SNAP91: variants seen among roughly 807,000 people sequenced by gnomAD.
The protein encoded by SNAP91 is clathrin coat assembly protein AP180.
In SNAP91, 27 loss-of-function variants were observed where a neutral mutation model predicts 100.3. The observed-to-expected ratio is 0.27, with a 90% CI of 0.20 to 0.37. The LOEUF (loss-of-function observed/expected upper bound fraction) is 0.37. SNAP91 is among the 10% of genes least tolerant of loss of function. The probability of loss-of-function intolerance (pLI) is 1.00; values close to 1 mark genes in which losing one functional copy is unlikely to be tolerated. For synonymous variants in SNAP91, 404 were observed against 398.6 expected, an observed-to-expected ratio of 1.01 and a Z score of -0.16; for missense variants, 986 against 1,123.7, an observed-to-expected ratio of 0.88 and a Z score of 1.75.
At chr6:83,605,406 T>TA (rs1455274650) in intron 14 of SNAP91, among the ~76,000 whole-genome samples, 1 of 151,956 alleles carries the variant, frequency 6.6e-6, no homozygotes, top group Admixed American at 6.6e-5. Context: ...AGAGTAGTAA[T>TA]AAAAAAGAAC....
intron 2 of SNAP91, among the ~76,000 whole-genome samples, chr6:83,693,238 C>A (rs2099154375): frequency 1.3e-5 from 2 of 152,162 alleles, no homozygotes; most frequent in African/African-American, 4.8e-5. Context: ...CCTCCTTGGG[C>A]ATTGTTTTCC....
At chr6:83,589,395 G>T (rs1179946473) in intron 22 of SNAP91, among the ~76,000 whole-genome samples, 1 of 152,122 alleles carries the variant, frequency 6.6e-6, no homozygotes, top group Admixed American at 6.5e-5. Flanking sequence ...ATTTCCTTAT[G>T]TTTTGATACT....
At chr6:83,644,808 T>C (rs931943501) in intron 7 of SNAP91, among the ~76,000 whole-genome samples, 1 of 152,214 alleles carries the variant, frequency 6.6e-6, no homozygotes, top group Non-Finnish European at 1.5e-5. Flanking sequence ...GTGTAAAGTA[T>C]TGGTCACGAA....
intron 11 of SNAP91, chr6:83,611,302 C>A: frequency 6.4e-6 from 2 of 313,616 alleles, no homozygotes; most frequent in Admixed American, 4.5e-5. Context: ...AAAAAAACAG[C>A]AACTTCGATG....
At chr6:83,610,855 A>T (rs1583629721) in intron 11 of SNAP91, among the ~76,000 whole-genome samples, 178 bp from the exon 12 acceptor site, 2 of 150,460 alleles carry the variant, frequency 1.3e-5, no homozygotes, top group South Asian at 4.2e-4. Context: ...GGCTATTTTT[A>T]AAAAACTTTT....
At chr6:83,591,125 C>A in intron 22 of SNAP91, 86 bp downstream of exon 22, 1 of 892,122 alleles carries the variant, frequency 1.1e-6, no homozygotes, top group South Asian at 1.5e-5. Context: ...AACATGCACC[C>A]TGCAATTTAT....
intron 11 of SNAP91, 78 bp from the exon 12 acceptor site, chr6:83,610,755 A>ATATATATATG (rs1429142637): frequency 4.4e-6 from 1 of 227,264 alleles, no homozygotes; most frequent in Non-Finnish European, 8.4e-6. Context: ...ATAAATATAT[A>ATATATATATG]TGTGAATATA....
At chr6:83,666,856 T>C (rs1183640294) in intron 2 of SNAP91, among the ~76,000 whole-genome samples, 1 of 152,074 alleles carries the variant, frequency 6.6e-6, no homozygotes, top group Non-Finnish European at 1.5e-5. Flanking sequence ...TGCAGTCCCA[T>C]GTGGCCTTCC....
In SNAP91 at chr6:83,613,874, C is replaced by A. The variant is rs117793073; in HGVS notation, c.884+983G>T. Among the ~76,000 whole-genome samples, 771 of 152,246 alleles carry A rather than the reference C, an allele frequency of 5.1e-3. 5 individuals carry two copies. The highest frequency in any genetic ancestry group is 8.2e-3 in the Non-Finnish European group (558 of 68,018). ...AGACCAATACTTCTATTAATAATTT[C>A]ACCTAGAAAAATCTAGTAGATAATG... On this transcript the variant is annotated intron_variant, in intron 11 of 29. Transcript: ENST00000369694.
At position 83,617,776 on chromosome 6, in the gene SNAP91, A is replaced by T. The variant is rs115163771; in HGVS notation, c.808-737T>A. ...ACATTTCACTGTATACTTAAGGAGA[A>T]ATAATAGGTTCACGCAAATTTTTCA... is the stretch of plus-strand genomic sequence containing the variant. On this transcript the variant is annotated intron_variant, in intron 9 of 29. Coordinates refer to ENST00000369694, the MANE Select transcript of SNAP91 (RefSeq NM_001242792.2). Among the ~76,000 whole-genome samples the T allele has an allele frequency of 7.3e-3, 1,113 of 151,934 alleles. 19 individuals carry two copies. The highest frequency in any genetic ancestry group is 0.025 in the African/African-American group (1,038 of 41,534).
At chr6:83,584,082 T>C (rs1832332808) in intron 22 of SNAP91, among the ~76,000 whole-genome samples, 1 of 152,216 alleles carries the variant, frequency 6.6e-6, no homozygotes, top group African/African-American at 2.4e-5. Context: ...TAATTATTTT[T>C]GTGAATGTGA....
intron 14 of SNAP91, among the ~76,000 whole-genome samples, 174 bp downstream of exon 14, chr6:83,605,511 G>C (rs2095554224): frequency 6.6e-6 from 1 of 151,978 alleles, no homozygotes; most frequent in African/African-American, 2.4e-5. Context: ...CACTTTCTCT[G>C]TCTCTCTCTC....
At chr6:83,604,412 T>C (rs577121360) in intron 14 of SNAP91, among the ~76,000 whole-genome samples, 2 of 152,326 alleles carry the variant, frequency 1.3e-5, no homozygotes, top group East Asian at 1.9e-4. Flanking sequence ...TTTACATATT[T>C]AAAATGGAAA....
At chr6:83,641,397 T>C (rs2097695753) in intron 7 of SNAP91, among the ~76,000 whole-genome samples, 195 bp from the exon 8 acceptor site, 1 of 152,170 alleles carries the variant, frequency 6.6e-6, no homozygotes, top group South Asian at 2.1e-4. Context: ...TGTTCCAAGA[T>C]AATCATCTGT....
intron 2 of SNAP91, among the ~76,000 whole-genome samples, chr6:83,695,775 T>C (rs926791036): frequency 6.6e-6 from 1 of 152,100 alleles, no homozygotes; most frequent in African/African-American, 2.4e-5. Flanking sequence ...ATTAGTAAAA[T>C]CTACAATAGG....
At chr6:83,555,584 T>G (rs1167004923) in intron 29 of SNAP91, among the ~76,000 whole-genome samples, 2 of 152,244 alleles carry the variant, frequency 1.3e-5, no homozygotes, top group African/African-American at 4.8e-5. Context: ...ACATTTTTCC[T>G]TCATTCGTTT....
At chr6:83,678,272 C>T (rs765336118) in intron 2 of SNAP91, among the ~76,000 whole-genome samples, 8 of 152,078 alleles carry the variant, frequency 5.3e-5, no homozygotes, top group Non-Finnish European at 1.0e-4. Flanking sequence ...TTACCATCTC[C>T]CAACACCGAT....
chr6:83,704,901 T>G lies in SNAP91; in HGVS notation c.130+2897A>C, dbSNP rs191465063. Among the ~76,000 whole-genome samples the G allele has an allele frequency of 1.4e-4, 22 of 152,318 alleles. No homozygotes were observed. In the East Asian group the frequency reaches 4.2e-3, roughly 29 times the overall value. On this transcript the variant is annotated intron_variant, in intron 2 of 29. Coordinates refer to ENST00000369694, the MANE Select transcript of SNAP91 (RefSeq NM_001242792.2). ...CAACTACTTGAGAATCTTCAATGCC[T>G]ATAAAGAAACTTAATTATGTGTTTG...
intron 2 of SNAP91, among the ~76,000 whole-genome samples, chr6:83,707,399 CTT>C (rs879661598): frequency 2.1e-5 from 3 of 145,566 alleles, no homozygotes; most frequent in East Asian, 2.0e-4. Flanking sequence ...ATAAATTCAT[CTT>C]TTTTTTTTTT....
Sources: gnomAD v4.1 joint callset for allele counts (sites outside exome capture counted in the v4.1 genomes callset) on GRCh38, gnomAD v4.1.1 for gene constraint, MANE v1.5 for transcripts, NCBI Gene and HGNC (gene_info 2026-07-23, HGNC 2026-07-21) for gene names.